The following CCDC148 variants were observed in gnomAD, a reference collection of about 807,000 sequenced individuals.
CCDC148 encodes the protein coiled-coil domain containing 148.
A neutral mutation model predicts 85.7 loss-of-function variants in CCDC148; 89 were observed. The ratio of observed to expected loss-of-function variants is 1.04; its 90% CI spans 0.87 to 1.24. The LOEUF (loss-of-function observed/expected upper bound fraction) is 1.24, where lower values mean the gene tolerates loss of function less well. Among genes scored for constraint, CCDC148 ranks in the 50% most tolerant of loss-of-function variants. CCDC148 has a pLI of 0.00. For missense variants in CCDC148, 692 were observed against 671.7 expected (o/e 1.03, Z -0.33); for synonymous variants, 230 against 213.9 (o/e 1.08, Z -0.66).
chr2:158,316,684 A>C (rs1559066052), intron 7 of CCDC148, among the ~76,000 whole-genome samples: 1 of 152,216 alleles, frequency 6.6e-6, no homozygotes, highest in Non-Finnish European at 1.5e-5. Context: ...TATTGGAGCA[A>C]ATATTCACAT....
chr2:158,303,078 A>G (rs1257734584), intron 9 of CCDC148, among the ~76,000 whole-genome samples: 1 of 152,186 alleles, frequency 6.6e-6, no homozygotes, highest in East Asian at 1.9e-4. Context: ...GCACGAGAGC[A>G]TTATTTCAAA....
chr2:158,276,335 G>A (rs1356902809), intron 9 of CCDC148, among the ~76,000 whole-genome samples: 1 of 152,188 alleles, frequency 6.6e-6, no homozygotes, highest in African/African-American at 2.4e-5. Context: ...TTGGGAGGCT[G>A]AGGCACAAGG....
chr2:158,342,284 C>T (rs1682755691), intron 3 of CCDC148, among the ~76,000 whole-genome samples: 1 of 151,900 alleles, frequency 6.6e-6, no homozygotes, highest in African/African-American at 2.4e-5. Context: ...CCTGCCTTGG[C>T]CTCCCAAAGT....
intron 9 of CCDC148, among the ~76,000 whole-genome samples, chr2:158,269,594 C>T (rs1689612823): frequency 6.6e-6 from 1 of 152,162 alleles, no homozygotes; most frequent in Non-Finnish European, 1.5e-5. Flanking sequence ...CTGATGAGTA[C>T]ATGTTTCTCT....
intron 1 of CCDC148, among the ~76,000 whole-genome samples, chr2:158,405,700 T>C (rs1685968772): frequency 6.6e-6 from 1 of 152,166 alleles, no homozygotes. Context: ...TGGATCGTGG[T>C]TTCAAAATTC....
chr2:158,372,026 G>A lies in CCDC148; in HGVS notation c.26-13456C>T, dbSNP rs145414087. On this transcript the variant is annotated intron_variant, in intron 1 of 13. Transcript: ENST00000283233. The stretch of plus-strand genomic sequence containing the variant: ...TTTTCCAGTCTGGGGAACACAGTCC[G>A]GGAGAAAGAAAAGAGTTAACCACAG... Among the ~76,000 whole-genome samples, 23 of 151,972 alleles carry A rather than the reference G, an allele frequency of 1.5e-4. No individual in the cohort carries two copies. The East Asian group carries it at 4.1e-3, about 27-fold the overall frequency.
rs2105253150 is a variant in CCDC148, at chr2:158,171,171, G to C, written c.*942C>G. ...AGTCAAAGATTCCACTAGTTGGATT[G>C]GGCTTTTTTTTTTTTACATTATTCC... On this transcript the variant is annotated 3_prime_UTR_variant, in exon 14 of 14. Coordinates refer to ENST00000283233, the MANE Select transcript of CCDC148 (RefSeq NM_138803.4). 3 of 100,882 alleles carry C rather than the reference G, an allele frequency of 3.0e-5. No homozygotes were observed. Among genetic ancestry groups the C allele is most frequent in the Middle Eastern group, 9.3e-3 (2 of 214 alleles). The allele number at this position is 100,882 out of a possible 1,614,324, so 6.2% of individuals were successfully genotyped here. A position where few individuals can be genotyped will look rare whatever the true frequency, so the allele number is the denominator to read the frequency against.
chr2:158,349,054 A>G (rs1683133499), intron 2 of CCDC148, among the ~76,000 whole-genome samples: 1 of 152,012 alleles, frequency 6.6e-6, no homozygotes, highest in Non-Finnish European at 1.5e-5. Context: ...TCAGTCTTAT[A>G]TAGCTGGCAT....
intron 9 of CCDC148, among the ~76,000 whole-genome samples, chr2:158,291,232 C>A (rs1404240727): frequency 1.3e-5 from 2 of 152,086 alleles, no homozygotes; most frequent in Non-Finnish European, 2.9e-5. Context: ...GTATTACAGG[C>A]ATGTGCCACG....
rs1684322279 is a variant in CCDC148, at chr2:158,171,534, T to G, written c.*579A>C. The G allele has an allele frequency of 1.3e-5, 2 of 151,952 alleles. No individual in the cohort carries two copies. Among genetic ancestry groups the G allele is most frequent in the South Asian group, 2.1e-4 (1 of 4,826 alleles). The allele number at this position is 151,952 out of a possible 1,614,324, so 9.4% of individuals were successfully genotyped here. ...AAACCAAAACAGATATTCCCATGCT[T>G]GAAATGCTATTTCTAATTTCTAATT... On this transcript the variant is annotated 3_prime_UTR_variant, in exon 14 of 14. Transcript: ENST00000283233.
intron 7 of CCDC148, among the ~76,000 whole-genome samples, chr2:158,327,398 A>T (rs1412706653): frequency 6.6e-6 from 1 of 152,208 alleles, no homozygotes; most frequent in African/African-American, 2.4e-5. Flanking sequence ...TTACACAATA[A>T]TGCCTCTGCC....
intron 9 of CCDC148, among the ~76,000 whole-genome samples, chr2:158,300,960 T>C (rs1574578966): frequency 6.6e-6 from 1 of 152,052 alleles, no homozygotes; most frequent in South Asian, 2.1e-4. Context: ...CCTCAAGAAA[T>C]CCTCCTGCCT....
At chr2:158,348,973 T>C (rs1326169057) in intron 2 of CCDC148, among the ~76,000 whole-genome samples, 3 of 152,090 alleles carry the variant, frequency 2.0e-5, no homozygotes, top group Non-Finnish European at 4.4e-5. Flanking sequence ...TCTCAGTTTT[T>C]AGCCCAACTC....
chr2:158,385,862 G>C (rs1486838711), intron 1 of CCDC148, among the ~76,000 whole-genome samples: 1 of 151,990 alleles, frequency 6.6e-6, no homozygotes, highest in Non-Finnish European at 1.5e-5. Context: ...ATCTGTCTAT[G>C]GTAACATCTA....
intron 1 of CCDC148, among the ~76,000 whole-genome samples, chr2:158,428,529 G>A (rs1350849233): frequency 6.6e-6 from 1 of 151,826 alleles, no homozygotes; most frequent in Non-Finnish European, 1.5e-5. Context: ...AGGCAGGAGG[G>A]TTTAGAGCAT....
intron 11 of CCDC148, among the ~76,000 whole-genome samples, chr2:158,179,449 T>A (rs1249651301): frequency 4.6e-5 from 7 of 151,932 alleles, no homozygotes; most frequent in Non-Finnish European, 1.0e-4. Context: ...TCATAGTAAT[T>A]CTAATAACAA....
At chr2:158,242,445 A>G (rs1270159731) in intron 10 of CCDC148, among the ~76,000 whole-genome samples, 1 of 152,142 alleles carries the variant, frequency 6.6e-6, no homozygotes, top group Non-Finnish European at 1.5e-5. Flanking sequence ...GCACACAGAC[A>G]CAAACACTGA....
At chr2:158,341,567 G>A (rs1198134612) in intron 3 of CCDC148, among the ~76,000 whole-genome samples, 2 of 151,936 alleles carry the variant, frequency 1.3e-5, no homozygotes, top group African/African-American at 4.8e-5. Flanking sequence ...CGCCCACCTT[G>A]GCCTCCCAAA....
chr2:158,248,780 A>G (rs953499132), intron 10 of CCDC148, among the ~76,000 whole-genome samples: 5 of 152,132 alleles, frequency 3.3e-5, no homozygotes, highest in African/African-American at 1.2e-4. Flanking sequence ...ATTTACACAC[A>G]CAACTAATGA....
Sources: gnomAD v4.1 joint callset for allele counts (sites outside exome capture counted in the v4.1 genomes callset) on GRCh38, gnomAD v4.1.1 for gene constraint, MANE v1.5 for transcripts, NCBI Gene and HGNC (gene_info 2026-07-23, HGNC 2026-07-21) for gene names.